Variants in MCM5 observed in about 807,000 individuals in gnomAD.
The protein encoded by MCM5 is DNA replication licensing factor MCM5.
MCM5 carries 46 observed loss-of-function variants against 79.9 expected under a neutral mutation model. The ratio of observed to expected loss-of-function variants is 0.58; its 90% CI spans 0.45 to 0.74. The LOEUF (loss-of-function observed/expected upper bound fraction) is 0.74. Ranked by LOEUF, MCM5 falls within the 30% of genes least tolerant of loss-of-function variation. The pLI is 0.00. For synonymous variants in MCM5, 404 were observed against 390.5 expected, an observed-to-expected ratio of 1.03 and a Z score of -0.41; for missense variants, 883 against 1,017.0, an observed-to-expected ratio of 0.87 and a Z score of 1.79.
intron 2 of MCM5, chr22:35,401,261 C>T (rs886796432): frequency 1.5e-5 from 6 of 388,960 alleles, no homozygotes. Flanking sequence ...TTCCTATCAT[C>T]CTTCCATGTC....
At chr22:35,452,104 C>T in the MCM5 span, among the ~76,000 whole-genome samples, 6 of 152,318 alleles carry the variant, frequency 3.9e-5, no homozygotes, top group South Asian at 2.1e-4. Flanking sequence ...ACCCAGAAAA[C>T]GAGTAGGGTG....
chr22:35,408,517 G>T lies in MCM5; in HGVS notation c.706G>T (p.Val236Phe). The T allele has an allele frequency of 2.5e-6, 4 of 1,614,172 alleles. No individual in the cohort carries two copies. Among genetic ancestry groups the T allele is most frequent in the Non-Finnish European group, 3.4e-6 (4 of 1,180,020 alleles). Residue 236 changes from valine (V) to phenylalanine (F), a missense_variant, in exon 6 of 17, where the codon GTC becomes TTC. By Grantham distance (50) the Val-to-Phe change is conservative. This residue lies in a region of MCM5 where 455 missense variants were observed against 517.5 expected (regional missense o/e 0.88). Coordinates refer to ENST00000216122, the MANE Select transcript of MCM5 (RefSeq NM_006739.4). ...GAAGCTGCAGGAGCTGCCTGATGCAGTCCCCCACGGGGAGATGCCCAGACA... is the reference window on the plus strand; with the variant it reads ...GAAGCTGCAGGAGCTGCCTGATGCATTCCCCCACGGGGAGATGCCCAGACA... Reference protein sequence around the residue: ...TLKLQELPDAVPHGEMPRHMQ... With the variant: ...TLKLQELPDAFPHGEMPRHMQ...
the MCM5 span, among the ~76,000 whole-genome samples, chr22:35,435,272 G>A: frequency 6.6e-6 from 1 of 152,206 alleles, no homozygotes; most frequent in Non-Finnish European, 1.5e-5. Flanking sequence ...TGAGCTGTGT[G>A]TGACCCTGGT....
rs771007296 is a variant in MCM5 at position 35,417,796 on chromosome 22, A to T, written c.1643A>T (p.Gln548Leu). The change falls in exon 13 of 17, where the codon CAG (glutamine) becomes CTG (leucine). Residue 548 changes from glutamine (Q) to leucine (L), a missense_variant. By Grantham distance (113) the Gln-to-Leu change is moderately radical (BLOSUM62 -2). Coordinates refer to ENST00000216122, the MANE Select transcript of MCM5 (RefSeq NM_006739.4). Reference protein sequence around the residue: ...TLHVSALTQTQAVEGEIDLAK... With the variant: ...TLHVSALTQTLAVEGEIDLAK... ...CACGTGAGCGCACTGACACAGACACAGGCTGTGGAGGGCGAGATTGACCTG... is the reference window on the plus strand; with the variant it reads ...CACGTGAGCGCACTGACACAGACACTGGCTGTGGAGGGCGAGATTGACCTG... 37 of 1,614,132 alleles carry T rather than the reference A, an allele frequency of 2.3e-5. No homozygotes were observed. The East Asian group carries it at 7.4e-4, about 32-fold the overall frequency.
At chr22:35,409,231 T>G (rs8142318) in intron 6 of MCM5, among the ~76,000 whole-genome samples, 117,912 of 152,130 alleles carry the variant, frequency 0.78, 46,699 homozygotes, top group African/African-American at 0.94. Context: ...CCAGAGTGCG[T>G]GGATTACAGG....
At chr22:35,431,641 C>G in the MCM5 span, among the ~76,000 whole-genome samples, 1 of 152,060 alleles carries the variant, frequency 6.6e-6, no homozygotes, top group Non-Finnish European at 1.5e-5. Context: ...CTGGGTGACT[C>G]GGTCTCTGGA....
chr22:35,436,674 T>G, the MCM5 span, among the ~76,000 whole-genome samples: 1 of 152,202 alleles, frequency 6.6e-6, no homozygotes, highest in Non-Finnish European at 1.5e-5. Context: ...GCCCTGGCTT[T>G]CTGCCCCTGC....
chr22:35,427,942 A>AG (rs1336579925), downstream of MCM5, among the ~76,000 whole-genome samples: 1 of 151,114 alleles, frequency 6.6e-6, no homozygotes, highest in African/African-American at 2.4e-5. Flanking sequence ...TAGGAGGCTG[A>AG]GGCAGGAGAA....
In MCM5 at chr22:35,412,503, T is replaced by C; in HGVS notation, c.920-7T>C. The C allele has an allele frequency of 6.5e-7, 1 of 1,536,090 alleles. No individual in the cohort carries two copies. The highest frequency in any genetic ancestry group is 8.8e-7 in the Non-Finnish European group (1 of 1,140,122). On this transcript the variant is annotated splice_polypyrimidine_tract_variant and splice_region_variant and intron_variant, in intron 7 of 16. Transcript: ENST00000216122. ...TACTCACTCATGCGCCTGCTTTGCC[T>C]ACCAAGGCCGCAGCTTTGCTGGGGC... is the stretch of plus-strand genomic sequence containing the variant.
chr22:35,450,312 A>G, the MCM5 span, among the ~76,000 whole-genome samples: 1 of 105,324 alleles, frequency 9.5e-6, no homozygotes, highest in Non-Finnish European at 1.9e-5. Context: ...AATCTGCAGA[A>G]CAGGGGGAAG....
At chr22:35,421,853 C>A in intron 15 of MCM5, 1 of 318,302 alleles carries the variant, frequency 3.1e-6, no homozygotes. Context: ...TCAGTCCTGC[C>A]CATGTTAGAA....
At chr22:35,403,091 T>TGAGG (rs1932107704) in intron 2 of MCM5, 116 bp from the exon 3 acceptor site, 6 of 1,218,388 alleles carry the variant, frequency 4.9e-6, no homozygotes, top group Admixed American at 2.1e-5. Flanking sequence ...AGAGGAATGG[T>TGAGG]GAGGTCATGG....
Position 35,415,676 on chromosome 22 carries a change from G to A in MCM5, c.1204-153G>A, listed in dbSNP as rs980809154. Among the ~76,000 whole-genome samples the A allele has an allele frequency of 7.2e-5, 11 of 152,226 alleles. No individual in the cohort carries two copies. The East Asian group carries it at 1.9e-3, about 27-fold the overall frequency. ...GCAGCATCCCCTTCCAGAGGGAGAC[G>A]CACTGAGTTGGAGCCTTGAGTCCTA... is the stretch of plus-strand genomic sequence containing the variant. On this transcript the variant is annotated intron_variant, in intron 9 of 16. Transcript: ENST00000216122.
the MCM5 span, among the ~76,000 whole-genome samples, chr22:35,438,783 T>TCATCCATC: frequency 0.014 from 151 of 11,034 alleles, 2 homozygotes; most frequent in African/African-American, 0.073. Flanking sequence ...ACCCACATAT[T>TCATCCATC]CATCCATCCA....
chr22:35,438,707 TCATC>T, the MCM5 span, among the ~76,000 whole-genome samples: 5,448 of 70,452 alleles, frequency 0.077, 468 homozygotes, highest in African/African-American at 0.25. Flanking sequence ...ACCCACATAT[TCATC>T]CATCCATCCA....
the MCM5 span, among the ~76,000 whole-genome samples, chr22:35,439,228 TATTC>T: frequency 6.0e-5 from 8 of 134,202 alleles, no homozygotes; most frequent in African/African-American, 1.1e-4. Flanking sequence ...TCCATCCAAA[TATTC>T]ATCCATCCAT....
intron 6 of MCM5, among the ~76,000 whole-genome samples, chr22:35,408,985 C>T (rs1483857854): frequency 1.3e-5 from 2 of 149,594 alleles, no homozygotes; most frequent in Non-Finnish European, 3.0e-5. Context: ...TTTTTTGAGA[C>T]GGAGTCTGGC....
chr22:35,417,851 C>T lies in MCM5; in HGVS notation c.1698C>T (p.Cys566=), dbSNP rs1414225953. 2.5e-6 allele frequency: 4 copies of T among 1,613,334 alleles called. No individual in the cohort carries two copies. Among genetic ancestry groups the T allele is most frequent in the Admixed American group, 3.3e-5 (2 of 60,032 alleles). The change falls in exon 13 of 17, where the codon TGC becomes TGT. Residue 566 remains cysteine (C), a synonymous_variant. Coordinates refer to ENST00000216122, the MANE Select transcript of MCM5 (RefSeq NM_006739.4). ...LAKLKKFIAY[C]RVKCGPRLSA... is the part of the protein sequence containing the mutation. ...AGCTGAAGAAGTTTATTGCCTACTGCCGAGTGTGAGTCCTGGACGCAGGCC... is the reference window on the plus strand; with the variant it reads ...AGCTGAAGAAGTTTATTGCCTACTGTCGAGTGTGAGTCCTGGACGCAGGCC...
intron 2 of MCM5, chr22:35,401,901 T>G (rs926333927): frequency 8.3e-5 from 30 of 360,846 alleles, no homozygotes; most frequent in Non-Finnish European, 1.5e-4. Context: ...TAGAAAGCTT[T>G]CTGTCTAGGT....
Sources: gnomAD v4.1 joint callset for allele counts (sites outside exome capture counted in the v4.1 genomes callset) on GRCh38, gnomAD v4.1.1 for gene constraint, gnomAD v4.1.1 regional missense constraint, MANE v1.5 for transcripts, NCBI Gene and HGNC (gene_info 2026-07-23, HGNC 2026-07-21) for gene names.